Variants in PKD1L3 observed in about 807,000 individuals in gnomAD.
PKD1L3 encodes the protein polycystin-1-like protein 3.
Under a neutral mutation model 184.1 loss-of-function variants are expected in PKD1L3, and 239 were observed. The ratio of observed to expected loss-of-function variants is 1.30; its 90% CI spans 1.17 to 1.45. The LOEUF is 1.45. Among genes scored for constraint, PKD1L3 ranks in the 40% most tolerant of loss-of-function variants. The pLI, the probability that PKD1L3 is intolerant of heterozygous loss-of-function variation, is 0.00. For missense variants in PKD1L3, 2,660 were observed against 2,067.2 expected, an observed-to-expected ratio of 1.29 and a Z score of -5.56; for synonymous variants, 996 against 778.8, an observed-to-expected ratio of 1.28 and a Z score of -4.64.
chr16:71,937,299 A>T lies in PKD1L3; in HGVS notation c.4445T>A (p.Phe1482Tyr). Residue 1482 changes from phenylalanine to tyrosine, a missense_variant, in exon 25 of 30, where the codon TTC becomes TAC. Physicochemically the swap from Phe to Tyr is conservative, Grantham distance 22. Coordinates refer to ENST00000620267, the MANE Select transcript of PKD1L3 (RefSeq NM_181536.2). Reference protein sequence around the residue: ...IYYLLVCYYAFIQGCQLKQQK... With the variant: ...IYYLLVCYYAYIQGCQLKQQK... The stretch of plus-strand genomic sequence containing the variant: ...CTAACATTATTGACTCACCTGTATG[A>T]AGGCATAGTAACAGACCAGTAGATA... 6.4e-7 allele frequency: 1 copy of T among 1,551,108 alleles called. No individual in the cohort carries two copies.
rs2038121237 is a variant in PKD1L3 at position 71,934,904 on chromosome 16, C to G, written c.4613+454G>C. On this transcript the variant is annotated intron_variant, in intron 26 of 29. Transcript: ENST00000620267. ...AGATGTTCCTCTCCATGGGAAAAACCAGAGAAGGTGCCCAAAGAGGCACCA... is the reference window on the plus strand; with the variant it reads ...AGATGTTCCTCTCCATGGGAAAAACGAGAGAAGGTGCCCAAAGAGGCACCA... Among the ~76,000 whole-genome samples the G allele has an allele frequency of 2.0e-5, 3 of 152,184 alleles. No individual in the cohort carries two copies. In the South Asian group the frequency reaches 6.2e-4, roughly 31 times the overall value.
intron 4 of PKD1L3, among the ~76,000 whole-genome samples, chr16:71,987,430 G>A (rs749335726): frequency 6.6e-6 from 1 of 152,028 alleles, no homozygotes; most frequent in Non-Finnish European, 1.5e-5. Context: ...CTGGAGTGCA[G>A]TGGCGCCACC....
rs892773497 is a variant in PKD1L3, at chr16:71,973,535, T to C, written c.1760-18A>G. 2 of 1,539,524 alleles carry C rather than the reference T, an allele frequency of 1.3e-6. No homozygotes were observed. Among genetic ancestry groups the C allele is most frequent in the South Asian group, 2.4e-5 (2 of 83,592 alleles). On this transcript the variant is annotated intron_variant, in intron 11 of 29. Coordinates refer to ENST00000620267, the MANE Select transcript of PKD1L3 (RefSeq NM_181536.2). ...CTCCTCATCTTAGAACAAAGAAGAG[T>C]GCTTACTTGTATATCAAATGGAACA...
intron 16 of PKD1L3, among the ~76,000 whole-genome samples, chr16:71,961,682 A>G (rs996705154): frequency 6.6e-6 from 1 of 152,142 alleles, no homozygotes; most frequent in Admixed American, 6.6e-5. Flanking sequence ...ACAGATGAGT[A>G]ACAGACCCAG....
intron 11 of PKD1L3, among the ~76,000 whole-genome samples, chr16:71,975,604 GTTA>G (rs2039888900): frequency 6.6e-6 from 1 of 152,128 alleles, no homozygotes; most frequent in South Asian, 2.1e-4. Context: ...GTCTCAACAT[GTTA>G]TTATGAAAAT....
chr16:71,952,519 G>T (rs2038879417), intron 18 of PKD1L3, among the ~76,000 whole-genome samples: 1 of 147,252 alleles, frequency 6.8e-6, no homozygotes, highest in Non-Finnish European at 1.5e-5. Flanking sequence ...GTGCCCAGCT[G>T]GGAGCACGTA....
At chr16:71,957,645 A>C (rs2143462548) in intron 16 of PKD1L3, among the ~76,000 whole-genome samples, 1 of 152,226 alleles carries the variant, frequency 6.6e-6, no homozygotes, top group Middle Eastern at 3.4e-3. Context: ...AAAAATACAA[A>C]AATTAGCAAG....
At chr16:71,962,334 G>A (rs1028969360) in intron 16 of PKD1L3, among the ~76,000 whole-genome samples, 1 of 152,080 alleles carries the variant, frequency 6.6e-6, no homozygotes, top group Non-Finnish European at 1.5e-5. Context: ...AGATAGCAGA[G>A]GTATATTCTC....
chr16:71,986,126 ATTC>A (rs2040351985), intron 5 of PKD1L3, 92 bp downstream of exon 5: 1 of 1,444,816 alleles, frequency 6.9e-7, no homozygotes, highest in Admixed American at 2.1e-5. Context: ...TCTGTCAGGC[ATTC>A]TTAGGTGTAG....
intron 18 of PKD1L3, 100 bp from the exon 19 acceptor site, chr16:71,951,844 G>A: frequency 1.8e-6 from 2 of 1,105,904 alleles, no homozygotes; most frequent in Non-Finnish European, 2.5e-6. Context: ...GTCAGAAGGG[G>A]ATATGCTTAG....
At chr16:71,957,287 G>T (rs2039084384) in intron 16 of PKD1L3, among the ~76,000 whole-genome samples, 1 of 151,846 alleles carries the variant, frequency 6.6e-6, no homozygotes, top group East Asian at 1.9e-4. Context: ...CAGTGATAAA[G>T]AAACAGAGGA....
intron 29 of PKD1L3, 42 bp downstream of exon 29, chr16:71,930,010 C>A: frequency 6.6e-7 from 1 of 1,521,500 alleles, no homozygotes. Flanking sequence ...GGAGCTTTCC[C>A]AGTGATATAA....
rs181566555 is a variant in PKD1L3 at position 71,995,172 on chromosome 16, C to T, written c.419-1840G>A. ...TGGAGTTGGGGGAAGGCTGCAACCT[C>T]GTAAGGTGAAAAGGCAAGAGAAGCC... On this transcript the variant is annotated intron_variant, in intron 2 of 29. Transcript: ENST00000620267. Among the ~76,000 whole-genome samples the T allele has an allele frequency of 5.9e-5, 9 of 152,202 alleles. No homozygotes were observed. In the East Asian group the frequency reaches 7.7e-4, roughly 13 times the overall value.
intron 17 of PKD1L3, 80 bp downstream of exon 17, chr16:71,954,024 TG>T: frequency 8.2e-7 from 1 of 1,219,182 alleles, no homozygotes; most frequent in Non-Finnish European, 1.1e-6. Context: ...TAGACCAGCC[TG>T]GGTAACAGAG....
At position 71,930,180 on chromosome 16, in the gene PKD1L3, A is replaced by C. The variant is rs2037886384; in HGVS notation, c.4930T>G (p.Phe1644Val). The change falls in exon 29 of 30, where the codon TTC becomes GTC. Residue 1644 changes from phenylalanine (F) to valine (V), a missense_variant. Transcript: ENST00000620267. ...GTGCCCAGGACTGGGTCTAAAGCGA[A>C]AACCTGGGAAAACAATAAGAACACT... ...LMGISHQEEV[F>V]ALDPVLGTFL... 1.3e-6 allele frequency: 2 copies of C among 1,539,514 alleles called. No individual in the cohort carries two copies. Among genetic ancestry groups the C allele is most frequent in the African/African-American group, 2.8e-5 (2 of 72,112 alleles).
At chr16:71,975,490 A>G (rs2039884754) in intron 11 of PKD1L3, among the ~76,000 whole-genome samples, 2 of 152,196 alleles carry the variant, frequency 1.3e-5, no homozygotes, top group Non-Finnish European at 2.9e-5. Flanking sequence ...AAGATTAGAA[A>G]TAAAGTTGAA....
intron 15 of PKD1L3, among the ~76,000 whole-genome samples, chr16:71,963,982 CA>C (rs1206253296): frequency 6.6e-6 from 1 of 152,128 alleles, no homozygotes; most frequent in Non-Finnish European, 1.5e-5. Flanking sequence ...CTTTCATCAT[CA>C]GGGGGCATAA....
At chr16:71,994,796 C>T (rs1034930163) in intron 2 of PKD1L3, among the ~76,000 whole-genome samples, 4 of 151,956 alleles carry the variant, frequency 2.6e-5, no homozygotes, top group African/African-American at 7.2e-5. Flanking sequence ...GTCAGGAGTT[C>T]GAGACCAGCC....
intron 17 of PKD1L3, 25 bp from the exon 18 acceptor site, chr16:71,953,118 T>A: frequency 1.4e-6 from 2 of 1,434,838 alleles, no homozygotes; most frequent in South Asian, 1.5e-5. Flanking sequence ...TGACATCAAC[T>A]TTCATCTTCA....
Sources: gnomAD v4.1 joint callset for allele counts (sites outside exome capture counted in the v4.1 genomes callset) on GRCh38, gnomAD v4.1.1 for gene constraint, MANE v1.5 for transcripts, NCBI Gene and HGNC (gene_info 2026-07-23, HGNC 2026-07-21) for gene names.